The following CDH18 variants were observed in gnomAD, a reference collection of about 807,000 sequenced individuals.
CDH18 encodes the protein cadherin-18.
Under a neutral mutation model 67.9 loss-of-function variants are expected in CDH18, and 31 were observed. The observed-to-expected ratio is 0.46, with a 90% confidence interval of 0.34 to 0.62. The LOEUF is 0.62. CDH18 is among the 20% of genes least tolerant of loss of function. The pLI, the probability that CDH18 is intolerant of heterozygous loss-of-function variation, is 0.01. For synonymous variants in CDH18, 362 were observed against 347.2 expected, an observed-to-expected ratio of 1.04 and a Z score of -0.48; for missense variants, 890 against 975.5, an observed-to-expected ratio of 0.91 and a Z score of 1.17.
At chr5:19,742,168 A>C (rs1362669217) in intron 4 of CDH18, among the ~76,000 whole-genome samples, 1 of 152,166 alleles carries the variant, frequency 6.6e-6, no homozygotes, top group Non-Finnish European at 1.5e-5. Context: ...AGAAATATAC[A>C]ACCACATTAT....
intron 2 of CDH18, among the ~76,000 whole-genome samples, chr5:20,203,511 C>T (rs1030078595): frequency 4.9e-4 from 75 of 151,722 alleles, no homozygotes; most frequent in Non-Finnish European, 2.9e-4. Flanking sequence ...TAGTTTACTA[C>T]ATTCAAAGAA....
chr5:19,815,493 C>T (rs1449442485), intron 3 of CDH18, among the ~76,000 whole-genome samples: 3 of 151,740 alleles, frequency 2.0e-5, no homozygotes, highest in Non-Finnish European at 2.9e-5. Flanking sequence ...TTTCCTTTTA[C>T]ATGATTTATT....
chr5:19,860,030 G>C (rs1784725221), intron 2 of CDH18, among the ~76,000 whole-genome samples: 2 of 133,904 alleles, frequency 1.5e-5, no homozygotes, highest in Admixed American at 7.6e-5. Context: ...GTGTTTAAGA[G>C]TATTCTTAAG....
upstream of CDH18, among the ~76,000 whole-genome samples, chr5:19,992,630 A>C (rs532225475): frequency 6.6e-6 from 1 of 152,244 alleles, no homozygotes; most frequent in East Asian, 2.0e-4. Flanking sequence ...TGACTTATTA[A>C]AGCGATGAAC....
At chr5:19,689,190 T>C (rs541376604) in intron 5 of CDH18, among the ~76,000 whole-genome samples, 3 of 152,058 alleles carry the variant, frequency 2.0e-5, no homozygotes, top group Admixed American at 6.5e-5. Context: ...GATTCTCAAA[T>C]GGATACATTC....
At position 20,019,093 on chromosome 5, in the gene CDH18, G is replaced by A. The variant is rs569520759; in HGVS notation, c.-517-27079C>T. On this transcript the variant is annotated intron_variant, in intron 2 of 14. Transcript: ENST00000507958. ...ATTACAGGCGTGAGCCACCGCGCCCGGCCTAATAAGGCATTCTTAATGAAC... is the reference window on the plus strand; with the variant it reads ...ATTACAGGCGTGAGCCACCGCGCCCAGCCTAATAAGGCATTCTTAATGAAC... Among the ~76,000 whole-genome samples, 70 of 142,390 alleles carry A rather than the reference G, an allele frequency of 4.9e-4. 1 individual carries two copies. Among genetic ancestry groups the A allele is most frequent in the Non-Finnish European group, 8.4e-4 (56 of 67,018 alleles). 93.4% of individuals were successfully genotyped at this position (142,390 alleles called of 152,430 possible).
chr5:20,145,590 A>AAC lies in CDH18; in HGVS notation c.-518+109852_-518+109853dup. Among the ~76,000 whole-genome samples, 3 of 152,294 alleles carry AAC rather than the reference A, an allele frequency of 2.0e-5. No homozygotes were observed. In the Middle Eastern group the frequency reaches 0.01, roughly 518 times the overall value. ...ACATCTTAAAAAATAGCTTCACAGC[A>AAC]ACATCTAGACTGGTGTTTTACCAAA... On this transcript the variant is annotated intron_variant, in intron 2 of 14. Coordinates refer to the CDH18 transcript ENST00000507958.
intron 2 of CDH18, among the ~76,000 whole-genome samples, chr5:20,175,435 G>A (rs1243922366): frequency 3.3e-5 from 5 of 152,066 alleles, no homozygotes; most frequent in African/African-American, 1.2e-4. Flanking sequence ...TAAAATTTAT[G>A]TCATAAGACA....
chr5:19,473,178 T>C lies in CDH18; in HGVS notation c.*48A>G. 2.5e-6 allele frequency: 4 copies of C among 1,584,760 alleles called. No homozygotes were observed. The highest frequency in any genetic ancestry group is 3.4e-6 in the Non-Finnish European group (4 of 1,164,354). On this transcript the variant is annotated 3_prime_UTR_variant, in exon 13 of 13. Transcript: ENST00000382275. ...TCCTTGTCATTGCTGAGGTTGTATA[T>C]CCACTTACTCAGGAAGCAAATTCCA...
At chr5:19,897,978 G>A (rs142700665) in intron 2 of CDH18, among the ~76,000 whole-genome samples, 143 of 152,174 alleles carry the variant, frequency 9.4e-4, no homozygotes, top group East Asian at 4.4e-3. Flanking sequence ...TCCATGAAAA[G>A]TCATTGAGTC....
intron 10 of CDH18, among the ~76,000 whole-genome samples, chr5:19,513,795 GTTC>G (rs1188890286): frequency 6.6e-6 from 1 of 151,082 alleles, no homozygotes; most frequent in Non-Finnish European, 1.5e-5. Flanking sequence ...ATTTAAGTTT[GTTC>G]TTCTTCATGG....
chr5:19,764,646 T>TAC (rs1471778193), intron 3 of CDH18, among the ~76,000 whole-genome samples: 1 of 127,242 alleles, frequency 7.9e-6, no homozygotes, highest in African/African-American at 2.6e-5. Flanking sequence ...TATATATATA[T>TAC]ATACACACAC....
At chr5:20,330,016 GA>G (rs1219467933) in intron 1 of CDH18, among the ~76,000 whole-genome samples, 1 of 151,638 alleles carries the variant, frequency 6.6e-6, no homozygotes, top group Non-Finnish European at 1.5e-5. Flanking sequence ...TACAAATAAT[GA>G]AAAATAGTTA....
In CDH18 at chr5:20,035,803, A is replaced by G. The variant is rs184188689; in HGVS notation, c.-517-43789T>C. Among the ~76,000 whole-genome samples, 66 of 152,156 alleles carry G rather than the reference A, an allele frequency of 4.3e-4. 1 individual carries two copies. The East Asian group carries it at 0.012, about 29-fold the overall frequency. On this transcript the variant is annotated intron_variant, in intron 2 of 14. Coordinates refer to the CDH18 transcript ENST00000507958. ...CAGAAATATTAACTTGCTGAGAGTG[A>G]TTGAGCTGGGCACAAAACTCAAGTC... is the stretch of plus-strand genomic sequence containing the variant.
At chr5:19,774,845 A>G (rs1333248907) in intron 3 of CDH18, among the ~76,000 whole-genome samples, 2 of 143,940 alleles carry the variant, frequency 1.4e-5, no homozygotes, top group Non-Finnish European at 3.0e-5. Flanking sequence ...AAAAAAAAAA[A>G]AAAAGGCCAA....
chr5:19,575,203 A>G (rs1490511308), intron 7 of CDH18, among the ~76,000 whole-genome samples: 7 of 152,216 alleles, frequency 4.6e-5, no homozygotes, highest in African/African-American at 1.7e-4. Flanking sequence ...ATTTATCACA[A>G]GAAACATAGT....
chr5:19,803,461 T>A (rs968636560), intron 3 of CDH18, among the ~76,000 whole-genome samples: 4 of 152,166 alleles, frequency 2.6e-5, no homozygotes, highest in Admixed American at 6.6e-5. Flanking sequence ...ACTAGCCACA[T>A]TTGAAATGTG....
At chr5:19,845,700 T>A (rs1475172365) in intron 2 of CDH18, among the ~76,000 whole-genome samples, 2 of 151,886 alleles carry the variant, frequency 1.3e-5, no homozygotes, top group Non-Finnish European at 2.9e-5. Flanking sequence ...TGGGTGCATA[T>A]ATATTTATAA....
At chr5:19,920,075 A>G (rs1402734366) in intron 2 of CDH18, among the ~76,000 whole-genome samples, 2 of 152,212 alleles carry the variant, frequency 1.3e-5, no homozygotes, top group African/African-American at 4.8e-5. Flanking sequence ...TTAAAGTAAT[A>G]GCAGACACAA....
Sources: gnomAD v4.1 joint callset for allele counts (sites outside exome capture counted in the v4.1 genomes callset) on GRCh38, gnomAD v4.1.1 for gene constraint, MANE v1.5 for transcripts, NCBI Gene and HGNC (gene_info 2026-07-23, HGNC 2026-07-21) for gene names.